ABCA5: variants seen among roughly 807,000 people sequenced by gnomAD.
ABCA5 encodes cholesterol transporter ABCA5.
ABCA5 carries 163 observed loss-of-function variants against 206.0 expected under a neutral mutation model. The ratio of observed to expected loss-of-function variants is 0.79; its 90% confidence interval spans 0.70 to 0.90. ABCA5 has a LOEUF of 0.90. ABCA5 is among the 40% of genes least tolerant of loss of function. The pLI, the probability that ABCA5 is intolerant of heterozygous loss-of-function variation, is 0.00. For missense variants in ABCA5, 1,859 were observed against 1,912.9 expected, an observed-to-expected ratio of 0.97 and a Z score of 0.53; for synonymous variants, 609 against 613.8, an observed-to-expected ratio of 0.99 and a Z score of 0.11.
intron 1 of ABCA5, among the ~76,000 whole-genome samples, chr17:69,321,754 G>A (rs1438108105): frequency 6.6e-6 from 1 of 151,682 alleles, no homozygotes; most frequent in African/African-American, 2.4e-5. Flanking sequence ...AGAGAAATAC[G>A]GGTTCAAAAT....
At chr17:69,315,700 T>A (rs780662829) in intron 1 of ABCA5, among the ~76,000 whole-genome samples, 4 of 151,872 alleles carry the variant, frequency 2.6e-5, no homozygotes, top group Admixed American at 6.6e-5. Flanking sequence ...GGAGATCTGC[T>A]TGAACCCGGG....
chr17:69,303,012 A>G, intron 7 of ABCA5, 106 bp from the exon 8 acceptor site: 1 of 527,272 alleles, frequency 1.9e-6, no homozygotes, highest in Non-Finnish European at 3.2e-6. Flanking sequence ...TGAAAAATGC[A>G]TTCATAAAAA....
chr17:69,301,336 CA>C, intron 8 of ABCA5, 50 bp from the exon 9 acceptor site: 1 of 1,487,796 alleles, frequency 6.7e-7, no homozygotes, highest in Non-Finnish European at 9.1e-7. Context: ...CAAAAACAAG[CA>C]AAAGCTAACA....
Position 69,254,435 on chromosome 17 carries a change from C to T in ABCA5, c.4124G>A (p.Cys1375Tyr), listed in dbSNP as rs768483496. 6.2e-7 allele frequency: 1 copy of T among 1,613,514 alleles called. No homozygotes were observed. Among genetic ancestry groups the T allele is most frequent in the Admixed American group, 1.7e-5 (1 of 59,948 alleles). The stretch of plus-strand genomic sequence containing the variant: ...GTTTATCTGAGGACAGTAACCCATA[C>T]ACTTCAGTGAATCATCATCTTCACT... ...ETSEDDDSLKCMGYCPQINPL... is the reference protein window; with the variant it reads ...ETSEDDDSLKYMGYCPQINPL... The change falls in exon 32 of 39, where the codon TGT becomes TAT. Residue 1375 changes from cysteine to tyrosine, a missense_variant. By Grantham distance (194) the Cys-to-Tyr change is radical. Transcript: ENST00000392676.
At chr17:69,298,301 A>G (rs1315508515) in intron 9 of ABCA5, among the ~76,000 whole-genome samples, 1 of 132,768 alleles carries the variant, frequency 7.5e-6, no homozygotes, top group African/African-American at 2.8e-5. Flanking sequence ...GGGGAAAGAG[A>G]AAGAAAGAGA....
chr17:69,294,733 A>G lies in ABCA5; in HGVS notation c.1437-20T>C. 6.5e-7 allele frequency: 1 copy of G among 1,529,822 alleles called. No homozygotes were observed. Among genetic ancestry groups the G allele is most frequent in the Non-Finnish European group, 9.0e-7 (1 of 1,115,478 alleles). The allele number at this position is 1,529,822 out of a possible 1,614,324, so 94.8% of individuals were successfully genotyped here. Reference sequence around the variant, plus strand: ...CTAATTCTGAAATATAAAGTTTTATATTTTAAGTATTTAAAGCAATTTATA... The same window carrying G: ...CTAATTCTGAAATATAAAGTTTTATGTTTTAAGTATTTAAAGCAATTTATA... On this transcript the variant is annotated intron_variant, in intron 10 of 38. Coordinates refer to ENST00000392676, the MANE Select transcript of ABCA5 (RefSeq NM_172232.4).
At chr17:69,320,241 A>C (rs1013141830) in intron 1 of ABCA5, among the ~76,000 whole-genome samples, 4 of 152,190 alleles carry the variant, frequency 2.6e-5, no homozygotes, top group Non-Finnish European at 5.9e-5. Context: ...TAGAAATGAA[A>C]TAAAAAACTG....
intron 28 of ABCA5, among the ~76,000 whole-genome samples, chr17:69,258,248 T>C (rs553955622): frequency 4.6e-5 from 7 of 152,060 alleles, no homozygotes; most frequent in East Asian, 1.9e-4. Flanking sequence ...CTATTCACAA[T>C]AGCAAAGTCA....
chr17:69,249,762 A>T, intron 37 of ABCA5, 143 bp downstream of exon 37: 1 of 1,150,476 alleles, frequency 8.7e-7, no homozygotes, highest in Non-Finnish European at 1.2e-6. Flanking sequence ...TAAACTTTTT[A>T]AATAAAATTC....
Position 69,289,806 on chromosome 17 carries a change from C to A in ABCA5, c.1782+56G>T, listed in dbSNP as rs2075503913. Reference sequence around the variant, plus strand: ...CATATTTTTATTGCACAAGTCATTACAAAAGGTTATTGATTACAGGAAATA... The same window carrying A: ...CATATTTTTATTGCACAAGTCATTAAAAAAGGTTATTGATTACAGGAAATA... On this transcript the variant is annotated intron_variant, in intron 13 of 38. Coordinates refer to ENST00000392676, the MANE Select transcript of ABCA5 (RefSeq NM_172232.4). The A allele has an allele frequency of 3.7e-6, 5 of 1,368,334 alleles. No individual in the cohort carries two copies. In the African/African-American group the frequency reaches 4.4e-5, roughly 12 times the overall value. 84.8% of individuals were successfully genotyped at this position (1,368,334 alleles called of 1,614,324 possible).
rs746947153 is a variant in ABCA5, at chr17:69,289,889, C to T, written c.1755G>A (p.Gly585=). 5 of 1,610,332 alleles carry T rather than the reference C, an allele frequency of 3.1e-6. No individual in the cohort carries two copies. The South Asian group carries it at 4.4e-5, about 14-fold the overall frequency. ...ENLSILASIK[G]IPANNIIQEV... ...CTTGTATTATATTGTTGGCTGGTAT[C>T]CCTTTGATTGAAGCCAAAATTGATA... The change falls in exon 13 of 39, where the codon GGG becomes GGA. Residue 585 remains glycine, a synonymous_variant. Coordinates refer to ENST00000392676, the MANE Select transcript of ABCA5 (RefSeq NM_172232.4).
rs1365386998 is a variant in ABCA5 at position 69,277,847 on chromosome 17, T to C, written c.2393-5A>G. ...GCTGAGTAAATACACTATAATCTAT[T>C]TGCCAAAACAAAACAAACATTTCAG... On this transcript the variant is annotated splice_polypyrimidine_tract_variant and splice_region_variant and intron_variant, in intron 18 of 38. Coordinates refer to ENST00000392676, the MANE Select transcript of ABCA5 (RefSeq NM_172232.4). The C allele has an allele frequency of 4.7e-6, 7 of 1,495,606 alleles. No homozygotes were observed. Among genetic ancestry groups the C allele is most frequent in the Non-Finnish European group, 6.2e-6 (7 of 1,123,484 alleles). 92.6% of individuals were successfully genotyped at this position (1,495,606 alleles called of 1,614,324 possible).
At chr17:69,288,009 A>G (rs2075479042) in intron 14 of ABCA5, among the ~76,000 whole-genome samples, 1 of 152,180 alleles carries the variant, frequency 6.6e-6, no homozygotes, top group Non-Finnish European at 1.5e-5. Flanking sequence ...AGTCAGACAA[A>G]CAAACTAAAA....
chr17:69,252,891 C>A (rs965712444), intron 34 of ABCA5, among the ~76,000 whole-genome samples: 1 of 150,580 alleles, frequency 6.6e-6, no homozygotes, highest in African/African-American at 2.4e-5. Context: ...ACAGGCACTG[C>A]ATAATGACAT....
chr17:69,251,970 T>A, intron 34 of ABCA5, 104 bp from the exon 35 acceptor site: 1 of 1,250,718 alleles, frequency 8.0e-7, no homozygotes, highest in Non-Finnish European at 1.1e-6. Flanking sequence ...TAATTAAAAC[T>A]TACCAAATAT....
intron 36 of ABCA5, 62 bp from the exon 37 acceptor site, chr17:69,250,046 A>G (rs1419483454): frequency 3.9e-6 from 4 of 1,022,124 alleles, no homozygotes; most frequent in African/African-American, 3.4e-5. Context: ...TTCTAAAGCT[A>G]AAGTTCAACA....
intron 14 of ABCA5, 64 bp downstream of exon 14, chr17:69,289,113 C>A (rs959711086): frequency 3.3e-6 from 5 of 1,507,114 alleles, no homozygotes; most frequent in Non-Finnish European, 4.5e-6. Flanking sequence ...TATCTTTCTA[C>A]AACCTGCTTT....
intron 3 of ABCA5, among the ~76,000 whole-genome samples, chr17:69,312,565 G>C (rs932781248): frequency 6.6e-6 from 1 of 152,046 alleles, no homozygotes; most frequent in Admixed American, 6.6e-5. Context: ...CATATTTCTA[G>C]CTTCCTTTTT....
chr17:69,282,765 C>CAAAAAAAAAAA (rs71144668), intron 18 of ABCA5, among the ~76,000 whole-genome samples: 1 of 107,960 alleles, frequency 9.3e-6, no homozygotes. Context: ...GAGCAAGACT[C>CAAAAAAAAAAA]AAAAAAAAAA....
Sources: allele counts gnomAD v4.1 joint callset (sites outside exome capture counted in the v4.1 genomes callset), GRCh38; gene constraint gnomAD v4.1.1; transcripts MANE v1.5; gene names NCBI Gene and HGNC (gene_info 2026-07-23, HGNC 2026-07-21).